Variants in BSN observed in about 807,000 individuals in gnomAD.
BSN encodes protein bassoon.
Under a neutral mutation model 264.8 loss-of-function variants are expected in BSN, and 57 were observed. That is an observed-to-expected ratio of 0.22 (90% CI 0.17 to 0.27). The LOEUF (loss-of-function observed/expected upper bound fraction) is 0.27, where lower values mean the gene tolerates loss of function less well. BSN is among the 10% of genes least tolerant of loss of function. The pLI is 1.00. For missense variants in BSN, 4,615 were observed against 5,232.5 expected (o/e 0.88, Z 3.64); for synonymous variants, 2,059 against 2,137.3 (o/e 0.96, Z 1.01).
chr3:49,595,678 T>C lies in BSN; in HGVS notation c.225-29297T>C, dbSNP rs548284998. Among the ~76,000 whole-genome samples the C allele has an allele frequency of 1.1e-4, 16 of 152,324 alleles. 1 individual carries two copies. In the South Asian group the frequency reaches 3.3e-3, roughly 32 times the overall value. The stretch of plus-strand genomic sequence containing the variant: ...AGCCCCTGTAAATGTTTTTTAAGTG[T>C]ATTCCTATTTCATTTTATTTGGAAT... On this transcript the variant is annotated intron_variant, in intron 1 of 11. Coordinates refer to ENST00000296452, the MANE Select transcript of BSN (RefSeq NM_003458.4).
At chr3:49,649,305 C>T (rs1347276957) in intron 3 of BSN, among the ~76,000 whole-genome samples, 2 of 152,196 alleles carry the variant, frequency 1.3e-5, no homozygotes. Flanking sequence ...TGGTCCACCT[C>T]GGTGGCAGAG....
intron 3 of BSN, among the ~76,000 whole-genome samples, chr3:49,644,843 A>G (rs542919350): frequency 1.3e-5 from 2 of 152,360 alleles, no homozygotes; most frequent in East Asian, 1.9e-4. Context: ...GTCTCTGTCC[A>G]GGAGCATAAA....
At chr3:49,632,348 A>C (rs1458052308) in intron 2 of BSN, among the ~76,000 whole-genome samples, 1 of 152,146 alleles carries the variant, frequency 6.6e-6, no homozygotes, top group African/African-American at 2.4e-5. Context: ...AAATTTAAAA[A>C]TTTTTTACAT....
chr3:49,569,735 T>C (rs1033171449), intron 1 of BSN, among the ~76,000 whole-genome samples: 2 of 152,214 alleles, frequency 1.3e-5, no homozygotes, highest in African/African-American at 2.4e-5. Flanking sequence ...AATCTGCAGC[T>C]AGTCAGAGAT....
chr3:49,622,249 A>G (rs2052312403), intron 1 of BSN, among the ~76,000 whole-genome samples: 1 of 152,112 alleles, frequency 6.6e-6, no homozygotes, highest in Non-Finnish European at 1.5e-5. Context: ...GGTGTTTGGA[A>G]GCTTGAAGAT....
chr3:49,655,919 C>A lies in BSN; in HGVS notation c.6363C>A (p.Gly2121=), dbSNP rs1205372043. 3 of 1,611,730 alleles carry A rather than the reference C, an allele frequency of 1.9e-6. No homozygotes were observed. The East Asian group carries it at 6.7e-5, about 36-fold the overall frequency. ...GGCGGCATGGCAGTGGTGGTGGTGGCCCTGACCTTGTGCAGTACCAGCCCC... is the reference window on the plus strand; with the variant it reads ...GGCGGCATGGCAGTGGTGGTGGTGGACCTGACCTTGTGCAGTACCAGCCCC... ...YGGRHGSGGG[G]PDLVQYQPQH... is the part of the protein sequence containing the mutation. Residue 2121 remains glycine (G), a synonymous_variant, in exon 5 of 12, where the codon GGC becomes GGA. Coordinates refer to ENST00000296452, the MANE Select transcript of BSN (RefSeq NM_003458.4).
intron 2 of BSN, among the ~76,000 whole-genome samples, chr3:49,627,673 G>T (rs748448541): frequency 1.3e-5 from 2 of 152,152 alleles, no homozygotes; most frequent in Admixed American, 6.5e-5. Context: ...GTGTCTCTGG[G>T]CTGAACTCCT....
At chr3:49,557,745 T>G (rs1255776286) in intron 1 of BSN, among the ~76,000 whole-genome samples, 1 of 152,048 alleles carries the variant, frequency 6.6e-6, no homozygotes, top group Non-Finnish European at 1.5e-5. Flanking sequence ...ACCCAGCTAA[T>G]TTTTTGTACT....
chr3:49,663,647 G>A lies in BSN; in HGVS notation c.11489G>A (p.Gly3830Asp), dbSNP rs181483922. 8.8e-5 allele frequency: 142 copies of A among 1,606,288 alleles called. No homozygotes were observed. In the East Asian group the frequency reaches 2.3e-3, roughly 26 times the overall value. ...KPQPGPSTAT[G>D]PQPAGPPRAE... ...CAGCCAGGCCCCAGCACAGCCACAG[G>A]TCCTCAACCAGCAGGACCGGTAAGC... Residue 3830 changes from glycine (G) to aspartate (D), a missense_variant, in exon 7 of 12, where the codon GGT (glycine) becomes GAT (aspartate). By Grantham distance (94) the Gly-to-Asp change is moderately conservative (BLOSUM62 -1). This residue lies in a region of BSN where 3,415 missense variants were observed against 3,866.4 expected (regional missense o/e 0.88). Coordinates refer to ENST00000296452, the MANE Select transcript of BSN (RefSeq NM_003458.4).
At chr3:49,616,827 CAG>C (rs1210534745) in intron 1 of BSN, among the ~76,000 whole-genome samples, 3 of 152,186 alleles carry the variant, frequency 2.0e-5, no homozygotes, top group African/African-American at 4.8e-5. Flanking sequence ...GGGCTTCTGA[CAG>C]AGGGGAGCCC....
rs1373481139 is a variant in BSN, at chr3:49,662,283, G to A, written c.10438G>A (p.Gly3480Ser). 2 of 1,613,820 alleles carry A rather than the reference G, an allele frequency of 1.2e-6. No individual in the cohort carries two copies. The highest frequency in any genetic ancestry group is 2.2e-5 in the East Asian group (1 of 44,878). The change falls in exon 6 of 12, where the codon GGC becomes AGC. Residue 3480 changes from glycine (G) to serine (S), a missense_variant. Gly to Ser is a moderately conservative substitution (Grantham distance 56). Coordinates refer to ENST00000296452, the MANE Select transcript of BSN (RefSeq NM_003458.4). ...GGCTGTGGAGCGACTTCAAAAAGCG[G>A]GCCCCAAGCCCTCATCCCTAAGTAT... ...REAVERLQKAGPKPSSLSMAH... is the reference protein window; with the variant it reads ...REAVERLQKASPKPSSLSMAH...
intron 1 of BSN, among the ~76,000 whole-genome samples, chr3:49,592,476 G>A (rs1000760313): frequency 6.6e-6 from 1 of 151,212 alleles, no homozygotes; most frequent in East Asian, 2.0e-4. Context: ...AGAGAGGGCC[G>A]GACGCGGTGG....
At position 49,657,695 on chromosome 3, in the gene BSN, G is replaced by A. The variant is rs761039513; in HGVS notation, c.8139G>A (p.Gly2713=). 7.7e-6 allele frequency: 12 copies of A among 1,558,304 alleles called. No individual in the cohort carries two copies. Among genetic ancestry groups the A allele is most frequent in the Admixed American group, 5.4e-5 (3 of 55,938 alleles). The change falls in exon 5 of 12, where the codon GGG becomes GGA. Residue 2713 remains glycine (G), a synonymous_variant. Coordinates refer to ENST00000296452, the MANE Select transcript of BSN (RefSeq NM_003458.4). ...CGGCGCCAGAGAAGACTGGGCGTGG[G>A]GAGAGCCTGGCCTGCCAGACGGAGC... ...YISAPEKTGR[G]ESLACQTEPD... is the part of the protein sequence containing the mutation.
chr3:49,617,522 G>T (rs1202572476), intron 1 of BSN, among the ~76,000 whole-genome samples: 2 of 151,904 alleles, frequency 1.3e-5, no homozygotes, highest in Non-Finnish European at 2.9e-5. Context: ...GCCTCAAGGG[G>T]CCTCTCTGCT....
rs1424048510 is a variant in BSN at position 49,605,313 on chromosome 3, T to TTA, written c.225-19650_225-19649dup. Among the ~76,000 whole-genome samples, 117 of 97,428 alleles carry TTA rather than the reference T, an allele frequency of 1.2e-3. 1 individual carries two copies. The South Asian group carries it at 0.017, about 14-fold the overall frequency. 63.9% of individuals were successfully genotyped at this position (97,428 alleles called of 152,430 possible). ...TATATTTTATATATTATATATTATA[T>TTA]TATATATATATATTTATAAATATAT... is the stretch of plus-strand genomic sequence containing the variant. On this transcript the variant is annotated intron_variant, in intron 1 of 11. Coordinates refer to ENST00000296452, the MANE Select transcript of BSN (RefSeq NM_003458.4).
intron 5 of BSN, among the ~76,000 whole-genome samples, chr3:49,659,874 G>C (rs1472156012): frequency 6.6e-6 from 1 of 152,214 alleles, no homozygotes; most frequent in Non-Finnish European, 1.5e-5. Flanking sequence ...GCAGAGGGCA[G>C]TGCAGGGCAC....
At chr3:49,583,308 C>T (rs2051908911) in intron 1 of BSN, among the ~76,000 whole-genome samples, 1 of 152,130 alleles carries the variant, frequency 6.6e-6, no homozygotes, top group Non-Finnish European at 1.5e-5. Context: ...CCTTGCATTC[C>T]AGAAATAAAG....
chr3:49,657,972 C>T lies in BSN; in HGVS notation c.8416C>T (p.Leu2806Phe). 1.2e-6 allele frequency: 2 copies of T among 1,611,752 alleles called. No individual in the cohort carries two copies. The highest frequency in any genetic ancestry group is 1.7e-6 in the Non-Finnish European group (2 of 1,178,356). Residue 2806 changes from leucine to phenylalanine, a missense_variant, in exon 5 of 12, where the codon CTC becomes TTC. Around this residue, in one of 3 missense-constraint regions of BSN, gnomAD observed 3,415 missense variants for 3,866.4 expected, o/e 0.88. Transcript: ENST00000296452. ...AGTCTCACCCCTGTCCCCTCACCGGCTCCTGGACACCTCCTTTGCTTCCAG... is the reference window on the plus strand; with the variant it reads ...AGTCTCACCCCTGTCCCCTCACCGGTTCCTGGACACCTCCTTTGCTTCCAG... The part of the protein sequence containing the change: ...SPVSPLSPHR[L>F]LDTSFASSER...
At chr3:49,576,118 CT>C (rs900335002) in intron 1 of BSN, among the ~76,000 whole-genome samples, 2 of 152,102 alleles carry the variant, frequency 1.3e-5, no homozygotes, top group Non-Finnish European at 2.9e-5. Flanking sequence ...CCGCTGGTGC[CT>C]TTTGGGGCTG....
Sources: gnomAD v4.1 joint callset for allele counts (sites outside exome capture counted in the v4.1 genomes callset) on GRCh38, gnomAD v4.1.1 for gene constraint, gnomAD v4.1.1 regional missense constraint, MANE v1.5 for transcripts, NCBI Gene and HGNC (gene_info 2026-07-23, HGNC 2026-07-21) for gene names.